Variants in CPAMD8 observed in about 807,000 individuals in gnomAD.
CPAMD8 encodes C3 and PZP-like alpha-2-macroglobulin domain-containing protein 8.
CPAMD8 carries 146 observed loss-of-function variants against 224.7 expected under a neutral mutation model. The observed-to-expected ratio is 0.65, with a 90% CI of 0.57 to 0.75. CPAMD8 has a LOEUF of 0.75. Ranked by LOEUF, CPAMD8 falls within the 30% of genes least tolerant of loss-of-function variation. CPAMD8 has a pLI of 0.00. For synonymous variants in CPAMD8, 966 were observed against 1,044.6 expected, an observed-to-expected ratio of 0.92 and a Z score of 1.45; for missense variants, 2,301 against 2,537.5, an observed-to-expected ratio of 0.91 and a Z score of 2.00.
intron 11 of CPAMD8, among the ~76,000 whole-genome samples, chr19:16,994,515 C>CTT (rs71180347): frequency 0.04 from 4,236 of 105,198 alleles, 227 homozygotes; most frequent in African/African-American, 0.073. Flanking sequence ...TAACCACTCC[C>CTT]TTTTTTTTTT....
intron 15 of CPAMD8, among the ~76,000 whole-genome samples, chr19:16,976,966 C>G (rs185934816): frequency 6.6e-6 from 1 of 151,970 alleles, no homozygotes; most frequent in African/African-American, 2.4e-5. Flanking sequence ...TGCTTGAACC[C>G]GGGAGGCAGA....
rs78304367 is a variant in CPAMD8 at position 17,018,211 on chromosome 19, G to C, written c.267+2120C>G. 1.8e-3 allele frequency among the ~76,000 whole-genome samples: 281 copies of C among 152,164 alleles called. 4 individuals carry two copies. The East Asian group carries it at 0.046, about 25-fold the overall frequency. ...ATTCGTAGACTCCTTTGAGCATGTGGTAAAAGTTAAGGAATAGCTAACCCC... is the reference window on the plus strand; with the variant it reads ...ATTCGTAGACTCCTTTGAGCATGTGCTAAAAGTTAAGGAATAGCTAACCCC... On this transcript the variant is annotated intron_variant, in intron 3 of 41. Transcript: ENST00000443236.
chr19:16,906,987 G>T lies in CPAMD8; in HGVS notation c.3992C>A (p.Ala1331Glu). 1 of 1,598,512 alleles carries T rather than the reference G, an allele frequency of 6.3e-7. No homozygotes were observed. The highest frequency in any genetic ancestry group is 8.5e-7 in the Non-Finnish European group (1 of 1,174,292). The change falls in exon 30 of 42, where the codon GCA (alanine) becomes GAA (glutamate). Residue 1331 changes from alanine to glutamate, a missense_variant. Ala to Glu is a moderately radical substitution (Grantham distance 107). Coordinates refer to ENST00000443236, the MANE Select transcript of CPAMD8 (RefSeq NM_015692.5). ...GGCCAGGCTACGGAGCTTGCGCAGT[G>T]CCTCAGGGGCTGCCGGGCTGCGGAG... is the stretch of plus-strand genomic sequence containing the variant. Reference protein sequence around the residue: ...TLLRSPAAPEALRKLRSLAIM... With the variant: ...TLLRSPAAPEELRKLRSLAIM...
rs556239089 is a variant in CPAMD8 at position 16,896,155 on chromosome 19, T to A, written c.5426+21A>T. On this transcript the variant is annotated intron_variant, in intron 41 of 41. Coordinates refer to ENST00000443236, the MANE Select transcript of CPAMD8 (RefSeq NM_015692.5). ...ATATTGAGCCTATGTCTCTTATCTC[T>A]GGGGTGGGCCCAGCTGTTACCTGTC... 38 of 1,613,126 alleles carry A rather than the reference T, an allele frequency of 2.4e-5. 2 individuals carry two copies. In the South Asian group the frequency reaches 3.8e-4, roughly 16 times the overall value.
chr19:16,930,549 T>C (rs113890634), intron 23 of CPAMD8, among the ~76,000 whole-genome samples: 3 of 152,190 alleles, frequency 2.0e-5, no homozygotes, highest in Non-Finnish European at 4.4e-5. Context: ...AAATAATACA[T>C]GGTGCTTGGC....
At chr19:16,906,872 A>C in intron 30 of CPAMD8, 80 bp downstream of exon 30, 1 of 1,357,458 alleles carries the variant, frequency 7.4e-7, no homozygotes, top group Admixed American at 2.0e-5. Context: ...GTTGTGATAA[A>C]TATGTTCATG....
At chr19:17,015,681 C>T (rs2056792614) in intron 3 of CPAMD8, among the ~76,000 whole-genome samples, 1 of 152,226 alleles carries the variant, frequency 6.6e-6, no homozygotes, top group Admixed American at 6.5e-5. Flanking sequence ...TCACCTGGCC[C>T]TGTTTCTGGA....
At chr19:16,924,088 C>G (rs1270539780) in intron 26 of CPAMD8, among the ~76,000 whole-genome samples, 1 of 152,140 alleles carries the variant, frequency 6.6e-6, no homozygotes, top group Non-Finnish European at 1.5e-5. Context: ...AGGAGAGAGG[C>G]CTGGGACAGT....
chr19:16,984,352 G>GAA (rs754676364), intron 13 of CPAMD8, among the ~76,000 whole-genome samples: 42 of 142,224 alleles, frequency 3.0e-4, no homozygotes, highest in South Asian at 6.7e-4. Context: ...GAGAGAGAGA[G>GAA]AATGAATTTG....
At chr19:16,971,913 G>T (rs1185866946) in intron 17 of CPAMD8, among the ~76,000 whole-genome samples, 1 of 152,086 alleles carries the variant, frequency 6.6e-6, no homozygotes, top group Admixed American at 6.6e-5. Context: ...CAGGCATGGT[G>T]GTGGGCACCT....
intron 22 of CPAMD8, 134 bp from the exon 23 acceptor site, chr19:16,938,580 T>A (rs2053777021): frequency 1.6e-6 from 1 of 606,574 alleles, no homozygotes; most frequent in African/African-American, 2.0e-5. Flanking sequence ...TTTTACGTGG[T>A]ATCAGCACGG....
intron 25 of CPAMD8, among the ~76,000 whole-genome samples, chr19:16,926,304 C>CTTTATTTTATTTTATTTTAT (rs559214843): frequency 0.026 from 3,940 of 150,538 alleles, 187 homozygotes; most frequent in African/African-American, 0.092. Flanking sequence ...TTCTTTCCTT[C>CTTTATTTTATTTTATTTTAT]TTTATTTTAT....
intron 18 of CPAMD8, among the ~76,000 whole-genome samples, chr19:16,964,950 C>T (rs972323563): frequency 3.9e-5 from 6 of 152,148 alleles, no homozygotes; most frequent in African/African-American, 1.4e-4. Context: ...ACCACATGAT[C>T]ATCTCAATAG....
chr19:16,999,060 A>T (rs1331767460), intron 10 of CPAMD8, among the ~76,000 whole-genome samples: 1 of 152,242 alleles, frequency 6.6e-6, no homozygotes, highest in Non-Finnish European at 1.5e-5. Flanking sequence ...CATGATGCTG[A>T]GTGAGAGAAG....
At chr19:16,981,407 T>C (rs746806263) in intron 13 of CPAMD8, among the ~76,000 whole-genome samples, 1 of 152,176 alleles carries the variant, frequency 6.6e-6, no homozygotes, top group Non-Finnish European at 1.5e-5. Context: ...TTGAACGTGC[T>C]AATGCCACAA....
At chr19:16,974,731 T>C (rs565121826) in intron 17 of CPAMD8, among the ~76,000 whole-genome samples, 1 of 152,012 alleles carries the variant, frequency 6.6e-6, no homozygotes, top group Admixed American at 6.6e-5. Flanking sequence ...CTTTGGGAAG[T>C]TGAAGCAGGA....
At chr19:17,014,403 T>A (rs999585904) in intron 3 of CPAMD8, among the ~76,000 whole-genome samples, 1 of 152,120 alleles carries the variant, frequency 6.6e-6, no homozygotes, top group Non-Finnish European at 1.5e-5. Context: ...CGCCCTGGCA[T>A]GTGAGTCATG....
intron 1 of CPAMD8, among the ~76,000 whole-genome samples, chr19:17,024,115 TA>T (rs2057022520): frequency 6.6e-6 from 1 of 152,240 alleles, no homozygotes; most frequent in Non-Finnish European, 1.5e-5. Flanking sequence ...AACTCACTGA[TA>T]AACCAAACTT....
intron 18 of CPAMD8, among the ~76,000 whole-genome samples, chr19:16,966,105 CA>C (rs1037783056): frequency 7.2e-5 from 11 of 152,170 alleles, no homozygotes; most frequent in African/African-American, 2.7e-4. Flanking sequence ...TACAAGGCTA[CA>C]GTAACCAAAA....
Sources: gnomAD v4.1 joint callset for allele counts (sites outside exome capture counted in the v4.1 genomes callset) on GRCh38, gnomAD v4.1.1 for gene constraint, MANE v1.5 for transcripts, NCBI Gene and HGNC (gene_info 2026-07-23, HGNC 2026-07-21) for gene names.